SMOC2: variants seen among roughly 807,000 people sequenced by gnomAD.
SMOC2 encodes SPARC related modular calcium binding 2.
SMOC2 carries 39 observed loss-of-function variants against 61.4 expected under a neutral mutation model. The ratio of observed to expected loss-of-function variants is 0.64; its 90% CI spans 0.49 to 0.83. The LOEUF (loss-of-function observed/expected upper bound fraction) is 0.83, where lower values mean the gene tolerates loss of function less well. SMOC2 is among the 40% of genes least tolerant of loss of function. The pLI is 0.00. For synonymous variants in SMOC2, 247 were observed against 239.9 expected, an observed-to-expected ratio of 1.03 and a Z score of -0.27; for missense variants, 556 against 592.9, an observed-to-expected ratio of 0.94 and a Z score of 0.65.
chr6:168,530,623 A>G (rs1007936329), intron 4 of SMOC2, among the ~76,000 whole-genome samples: 6 of 145,890 alleles, frequency 4.1e-5, no homozygotes, highest in African/African-American at 1.3e-4. Context: ...AATGCAAATT[A>G]AAGTCACGGT....
intron 9 of SMOC2, among the ~76,000 whole-genome samples, chr6:168,636,924 TC>T (rs1381384091): frequency 9.8e-5 from 6 of 61,008 alleles, no homozygotes; most frequent in South Asian, 7.2e-4. Flanking sequence ...TCCTCCCTCC[TC>T]CCCCCTCCCC....
At chr6:168,660,363 T>C (rs547365450) in intron 11 of SMOC2, among the ~76,000 whole-genome samples, 1 of 152,354 alleles carries the variant, frequency 6.6e-6, no homozygotes, top group Admixed American at 6.5e-5. Flanking sequence ...CGCATTGCTC[T>C]CTGCTAAGGC....
At chr6:168,529,794 A>C (rs915570099) in intron 4 of SMOC2, among the ~76,000 whole-genome samples, 2 of 152,170 alleles carry the variant, frequency 1.3e-5, no homozygotes, top group Non-Finnish European at 2.9e-5. Context: ...AGAAGCAGGG[A>C]AGTTAAGTAA....
At chr6:168,443,618 A>G (rs1196797469) in intron 1 of SMOC2, among the ~76,000 whole-genome samples, 2 of 152,254 alleles carry the variant, frequency 1.3e-5, no homozygotes, top group Non-Finnish European at 2.9e-5. Flanking sequence ...TAACTGAGGC[A>G]GGCCTGAAAT....
chr6:168,496,243 A>G (rs1226156871), intron 1 of SMOC2, among the ~76,000 whole-genome samples: 13 of 152,086 alleles, frequency 8.5e-5, no homozygotes, highest in African/African-American at 2.9e-4. Flanking sequence ...TGTGGAAAAC[A>G]CTGGGGTTTG....
intron 9 of SMOC2, among the ~76,000 whole-genome samples, chr6:168,613,451 T>A (rs924904278): frequency 6.6e-6 from 1 of 152,124 alleles, no homozygotes; most frequent in Non-Finnish European, 1.5e-5. Context: ...CTCTCCTGGA[T>A]CCCCAGAGCT....
At chr6:168,584,416 C>G (rs1210497079) in intron 7 of SMOC2, among the ~76,000 whole-genome samples, 2 of 152,294 alleles carry the variant, frequency 1.3e-5, no homozygotes, top group East Asian at 3.9e-4. Flanking sequence ...CAAAACGAAA[C>G]TTGCATAGAT....
chr6:168,515,314 C>T (rs1783103047), intron 2 of SMOC2, among the ~76,000 whole-genome samples: 1 of 152,182 alleles, frequency 6.6e-6, no homozygotes, highest in Admixed American at 6.5e-5. Context: ...GGTGCTGCAG[C>T]TGCCAAGGCG....
At chr6:168,442,270 C>G (rs1264821532) in intron 1 of SMOC2, among the ~76,000 whole-genome samples, 2 of 152,246 alleles carry the variant, frequency 1.3e-5, no homozygotes, top group East Asian at 3.9e-4. Context: ...CGCGGTTGAC[C>G]GCTGTGTGTT....
chr6:168,441,551 T>A (rs894750785), intron 1 of SMOC2, 97 bp downstream of exon 1: 23 of 1,350,244 alleles, frequency 1.7e-5, no homozygotes, highest in African/African-American at 1.5e-5. Context: ...CCCAGGCGCC[T>A]GGGCACGGGG....
At chr6:168,624,539 T>TAGACAC (rs71554370) in intron 9 of SMOC2, among the ~76,000 whole-genome samples, 32,255 of 150,350 alleles carry the variant, frequency 0.21, 3,746 homozygotes, top group East Asian at 0.26. Context: ...GATTCACACA[T>TAGACAC]AGACACATGC....
chr6:168,488,376 C>T (rs1221941051), intron 1 of SMOC2, among the ~76,000 whole-genome samples: 1 of 152,208 alleles, frequency 6.6e-6, no homozygotes, highest in Non-Finnish European at 1.5e-5. Context: ...GTTTGCTGGA[C>T]TGCTGTAACA....
rs540059313 is a variant in SMOC2 at position 168,635,731 on chromosome 6, C to T, written c.908-14950C>T. On this transcript the variant is annotated intron_variant, in intron 9 of 12. Transcript: ENST00000356284. Reference sequence around the variant, plus strand: ...ACTAAAAATACAAAAATTAGCCGGGCGTGGTGGCGGGTGCCTGTAATCCCA... The same window carrying T: ...ACTAAAAATACAAAAATTAGCCGGGTGTGGTGGCGGGTGCCTGTAATCCCA... Among the ~76,000 whole-genome samples, 373 of 151,996 alleles carry T rather than the reference C, an allele frequency of 2.5e-3. 2 individuals carry two copies. The highest frequency in any genetic ancestry group is 8.5e-3 in the African/African-American group (352 of 41,488).
intron 11 of SMOC2, among the ~76,000 whole-genome samples, chr6:168,660,781 G>A (rs1787489488): frequency 6.6e-6 from 1 of 152,256 alleles, no homozygotes; most frequent in Admixed American, 6.5e-5. Context: ...GTGTGGGGCA[G>A]GGAAGGGGCA....
intron 1 of SMOC2, among the ~76,000 whole-genome samples, chr6:168,503,883 G>A (rs966586863): frequency 1.3e-5 from 2 of 152,148 alleles, no homozygotes; most frequent in East Asian, 1.9e-4. Context: ...GAGTTGGCTC[G>A]TTGGCCTCAT....
At chr6:168,546,254 A>G (rs1783995965) in intron 5 of SMOC2, among the ~76,000 whole-genome samples, 1 of 17,718 alleles carries the variant, frequency 5.6e-5, no homozygotes, top group South Asian at 3.2e-3. Flanking sequence ...CTTCAGTGAA[A>G]AAAAAAAAAA....
intron 4 of SMOC2, among the ~76,000 whole-genome samples, chr6:168,533,063 G>C (rs530667691): frequency 1.3e-5 from 2 of 152,202 alleles, no homozygotes; most frequent in African/African-American, 4.8e-5. Context: ...GGCAGCAGTA[G>C]GTCAGTGGCC....
intron 1 of SMOC2, among the ~76,000 whole-genome samples, chr6:168,477,654 C>G (rs1262373555): frequency 2.0e-5 from 3 of 152,162 alleles, no homozygotes; most frequent in Non-Finnish European, 4.4e-5. Flanking sequence ...GTCTGTGCGC[C>G]CTCACTGTTT....
intron 11 of SMOC2, among the ~76,000 whole-genome samples, chr6:168,662,946 A>G (rs1384579587): frequency 6.6e-6 from 1 of 152,178 alleles, no homozygotes; most frequent in East Asian, 1.9e-4. Context: ...AAGGGAAGAT[A>G]ATGAGTCCAG....
Sources: gnomAD v4.1 joint callset for allele counts (sites outside exome capture counted in the v4.1 genomes callset) on GRCh38, gnomAD v4.1.1 for gene constraint, MANE v1.5 for transcripts, NCBI Gene and HGNC (gene_info 2026-07-23, HGNC 2026-07-21) for gene names.